Variants in CCM2L observed in about 807,000 individuals in gnomAD.
CCM2L encodes the protein cerebral cavernous malformations 2 protein-like.
CCM2L carries 36 observed loss-of-function variants against 54.1 expected under a neutral mutation model. The observed-to-expected ratio is 0.67, with a 90% CI of 0.51 to 0.88. CCM2L has a LOEUF of 0.88. Ranked by LOEUF, CCM2L falls within the 40% of genes least tolerant of loss-of-function variation. The pLI is 0.00. For missense variants in CCM2L, 700 were observed against 812.1 expected (o/e 0.86, Z 1.68); for synonymous variants, 351 against 359.3 (o/e 0.98, Z 0.26).
intron 1 of CCM2L, among the ~76,000 whole-genome samples, chr20:32,013,991 A>G (rs2064716281): frequency 6.6e-6 from 1 of 152,000 alleles, no homozygotes; most frequent in Non-Finnish European, 1.5e-5. Flanking sequence ...TCTAGATGGA[A>G]CTCAAACTTT....
chr20:32,026,856 A>G (rs2064865866), intron 7 of CCM2L, among the ~76,000 whole-genome samples: 1 of 151,088 alleles, frequency 6.6e-6, no homozygotes, highest in Non-Finnish European at 1.5e-5. Flanking sequence ...AGCCTGGGCG[A>G]CAGAGCGAGA....
chr20:32,019,291 C>T lies in CCM2L; in HGVS notation c.815C>T (p.Ala272Val). The T allele has an allele frequency of 7.8e-7, 1 of 1,274,778 alleles. No individual in the cohort carries two copies. Among genetic ancestry groups the T allele is most frequent in the Non-Finnish European group, 9.9e-7 (1 of 1,010,744 alleles). The allele number at this position is 1,274,778 out of a possible 1,614,324, so 79.0% of individuals were successfully genotyped here. Reference protein sequence around the residue: ...KPGGSWERRQAGSGGGGSWER... With the variant: ...KPGGSWERRQVGSGGGGSWER... ...GGCGGTAGCTGGGAGCGGAGGCAGG[C>T]GGGCAGCGGCGGGGGAGGCAGCTGG... Residue 272 changes from alanine (A) to valine (V), a missense_variant, in exon 5 of 10, where the codon GCG (alanine) becomes GTG (valine). Transcript: ENST00000452892.
chr20:32,025,414 A>G (rs1401844965), intron 6 of CCM2L, among the ~76,000 whole-genome samples: 1 of 151,886 alleles, frequency 6.6e-6, no homozygotes, highest in Non-Finnish European at 1.5e-5. Flanking sequence ...GACCACAGGC[A>G]TGCACCACCG....
chr20:32,010,849 G>T (rs556365608), intron 1 of CCM2L, among the ~76,000 whole-genome samples: 1 of 152,250 alleles, frequency 6.6e-6, no homozygotes, highest in African/African-American at 2.4e-5. Context: ...CCATTCTCCT[G>T]CTCGTCACTG....
intron 7 of CCM2L, among the ~76,000 whole-genome samples, chr20:32,027,189 G>A (rs1032574446): frequency 2.0e-5 from 3 of 152,354 alleles, no homozygotes; most frequent in Admixed American, 2.0e-4. Context: ...TGGGTTACTG[G>A]TTGATCACCT....
chr20:32,015,856 C>CTTTTT (rs1275720098), intron 2 of CCM2L, among the ~76,000 whole-genome samples: 2 of 95,156 alleles, frequency 2.1e-5, no homozygotes, highest in African/African-American at 1.2e-4. Flanking sequence ...AGGAGCTGTA[C>CTTTTT]TTCTTTTTTT....
intron 1 of CCM2L, among the ~76,000 whole-genome samples, chr20:32,011,971 T>C (rs2064699202): frequency 6.6e-6 from 1 of 151,632 alleles, no homozygotes; most frequent in Non-Finnish European, 1.5e-5. Flanking sequence ...GATATGTTCG[T>C]CTCATAATCT....
Position 32,022,736 on chromosome 20 carries a change from T to C in CCM2L, c.1010T>C (p.Val337Ala), listed in dbSNP as rs750878158. The C allele has an allele frequency of 6.2e-7, 1 of 1,613,792 alleles. No homozygotes were observed. The highest frequency in any genetic ancestry group is 1.1e-5 in the South Asian group (1 of 91,070). ...IIYGDQSIEC[V>A]DRAGYHYTST... ...TACGGGGACCAGAGTATTGAGTGTGTGGACCGGGCTGGCTACCACTACACA... is the reference window on the plus strand; with the variant it reads ...TACGGGGACCAGAGTATTGAGTGTGCGGACCGGGCTGGCTACCACTACACA... The change falls in exon 6 of 10, where the codon GTG (valine) becomes GCG (alanine). Residue 337 changes from valine to alanine, a missense_variant. Physicochemically the swap from Val to Ala is moderately conservative, Grantham distance 64 (BLOSUM62 0). Transcript: ENST00000452892.
chr20:32,028,962 G>A, intron 7 of CCM2L, 33 bp from the exon 8 acceptor site: 1 of 1,612,532 alleles, frequency 6.2e-7, no homozygotes, highest in South Asian at 1.1e-5. Context: ...GCTGGAGGGA[G>A]GCGAGTGAAG....
chr20:32,020,054 C>T (rs2064788752), intron 5 of CCM2L, among the ~76,000 whole-genome samples: 1 of 152,200 alleles, frequency 6.6e-6, no homozygotes, highest in Non-Finnish European at 1.5e-5. Context: ...GACCATGTTT[C>T]TTGAGTGCCA....
intron 4 of CCM2L, among the ~76,000 whole-genome samples, chr20:32,018,540 AT>A (rs1392806546): frequency 6.7e-6 from 1 of 149,624 alleles, no homozygotes; most frequent in African/African-American, 2.5e-5. Context: ...GCGGGGCCTG[AT>A]TCCAGGGGCG....
Position 32,017,684 on chromosome 20 carries a change from T to G in CCM2L, c.199-116T>G, listed in dbSNP as rs58836667. ...TCAGTAAAAGTTATTATCAGGTATA[T>G]TAATTCATGTATTTCTATCTCAATC... On this transcript the variant is annotated intron_variant, in intron 2 of 9. Transcript: ENST00000452892. 6.2e-4 allele frequency: 528 copies of G among 854,394 alleles called. 1 individual carries two copies. In the African/African-American group the frequency reaches 7.2e-3, roughly 12 times the overall value. 52.9% of individuals were successfully genotyped at this position (854,394 alleles called of 1,614,324 possible).
At position 32,015,229 on chromosome 20, in the gene CCM2L, A is replaced by G. The variant is rs114194304; in HGVS notation, c.198+158A>G. Among the ~76,000 whole-genome samples, 1,006 of 152,280 alleles carry G rather than the reference A, an allele frequency of 6.6e-3. 13 individuals are homozygous for G. Among genetic ancestry groups the G allele is most frequent in the African/African-American group, 0.024 (978 of 41,546 alleles). Reference sequence around the variant, plus strand: ...TGTCAGCCTTGCCCCCACCTTCAGCAAGTGACCTCCATCTGCTGAGCCTCC... The same window carrying G: ...TGTCAGCCTTGCCCCCACCTTCAGCGAGTGACCTCCATCTGCTGAGCCTCC... On this transcript the variant is annotated intron_variant, in intron 2 of 9. Transcript: ENST00000452892.
chr20:32,021,602 GC>G (rs1031170206), intron 5 of CCM2L, among the ~76,000 whole-genome samples: 1 of 152,092 alleles, frequency 6.6e-6, no homozygotes, highest in African/African-American at 2.4e-5. Flanking sequence ...GCTGCAGTGA[GC>G]CATGATTGTG....
intron 6 of CCM2L, among the ~76,000 whole-genome samples, chr20:32,023,680 C>T (rs2064828043): frequency 2.6e-5 from 4 of 152,212 alleles, no homozygotes; most frequent in Admixed American, 2.6e-4. Flanking sequence ...GATGAAAGAA[C>T]TCTCTGAGGC....
In CCM2L at chr20:32,022,930, C is replaced by T. The variant is rs528523622; in HGVS notation, c.1069+135C>T. The stretch of plus-strand genomic sequence containing the variant: ...TCTGCCATAATTACAGTGTACCCCA[C>T]AATTGTAGGTGAAATGTCAATTTTC... On this transcript the variant is annotated intron_variant, in intron 6 of 9. Coordinates refer to ENST00000452892, the MANE Select transcript of CCM2L (RefSeq NM_001365692.1). 2.0e-4 allele frequency: 182 copies of T among 931,844 alleles called. No individual in the cohort carries two copies. The African/African-American group carries it at 2.8e-3, about 14-fold the overall frequency. The allele number at this position is 931,844 out of a possible 1,614,324, so 57.7% of individuals were successfully genotyped here. A position where few individuals can be genotyped will look rare whatever the true frequency, so the allele number is the denominator to read the frequency against.
At chr20:32,010,550 T>TGTG in intron 1 of CCM2L, 66 bp downstream of exon 1, 1 of 64,762 alleles carries the variant, frequency 1.5e-5, no homozygotes. Context: ...GGGGGCAAAC[T>TGTG]GGGGCGGGGT....
chr20:32,030,750 T>G, intron 9 of CCM2L, among the ~76,000 whole-genome samples: 1 of 150,670 alleles, frequency 6.6e-6, no homozygotes, highest in African/African-American at 2.4e-5. Context: ...CATGAGAATC[T>G]CTTGAACCCG....
Position 32,031,143 on chromosome 20 carries a change from G to C in CCM2L, c.1545G>C (p.Val515=), listed in dbSNP as rs975216903. 7.7e-7 allele frequency: 1 copy of C among 1,303,642 alleles called. No homozygotes were observed. The highest frequency in any genetic ancestry group is 1.5e-5 in the African/African-American group (1 of 65,884). The allele number at this position is 1,303,642 out of a possible 1,614,324, so 80.8% of individuals were successfully genotyped here. A position where few individuals can be genotyped will look rare whatever the true frequency, so the allele number is the denominator to read the frequency against. ...TGAGCTCCACGTCGGCCTCCGCAGT[G>C]CGCAGCTACGATGGCGCGGCGCAGC... ...RSMSSTSASA[V]RSYDGAAQRP... is the part of the protein sequence containing the mutation. Residue 515 remains valine, a synonymous_variant, in exon 10 of 10, where the codon GTG becomes GTC. Coordinates refer to ENST00000452892, the MANE Select transcript of CCM2L (RefSeq NM_001365692.1).
Sources: gnomAD v4.1 joint callset for allele counts (sites outside exome capture counted in the v4.1 genomes callset) on GRCh38, gnomAD v4.1.1 for gene constraint, MANE v1.5 for transcripts, NCBI Gene and HGNC (gene_info 2026-07-23, HGNC 2026-07-21) for gene names.